The following CNR1 variants were observed in gnomAD, a reference collection of about 807,000 sequenced individuals.
CNR1 encodes cannabinoid receptor 1 (brain).
CNR1 carries 10 observed loss-of-function variants against 23.0 expected under a neutral mutation model. The ratio of observed to expected loss-of-function variants is 0.43; its 90% CI spans 0.27 to 0.74. The LOEUF (loss-of-function observed/expected upper bound fraction) is 0.74. CNR1 is among the 30% of genes least tolerant of loss of function. The pLI is 0.19. For missense variants in CNR1, 422 were observed against 618.8 expected (o/e 0.68, Z 3.37); for synonymous variants, 271 against 255.2 (o/e 1.06, Z -0.59).
intron 1 of CNR1, among the ~76,000 whole-genome samples, chr6:88,159,789 A>C (rs1205585011): frequency 6.6e-6 from 1 of 152,250 alleles, no homozygotes; most frequent in African/African-American, 2.4e-5. Flanking sequence ...AACATTTAGC[A>C]AATTCTGGTA....
At chr6:88,157,075 C>A (rs1473976757) in intron 1 of CNR1, among the ~76,000 whole-genome samples, 1 of 152,182 alleles carries the variant, frequency 6.6e-6, no homozygotes, top group East Asian at 1.9e-4. Flanking sequence ...CTGCAAAGTT[C>A]AGCCACTTAG....
chr6:88,159,101 C>T (rs907132436), intron 1 of CNR1, among the ~76,000 whole-genome samples: 1 of 152,142 alleles, frequency 6.6e-6, no homozygotes, highest in Non-Finnish European at 1.5e-5. Context: ...TTTACAAAGG[C>T]TATGCAAAGC....
chr6:88,160,465 C>G (rs371991991), intron 1 of CNR1, among the ~76,000 whole-genome samples: 22 of 141,930 alleles, frequency 1.6e-4, no homozygotes, highest in African/African-American at 5.3e-4. Context: ...GGCAGAGTCT[C>G]ACTCTGTCAC....
At chr6:88,160,441 T>C (rs1778038649) in intron 1 of CNR1, among the ~76,000 whole-genome samples, 1 of 149,376 alleles carries the variant, frequency 6.7e-6, no homozygotes, top group Admixed American at 6.6e-5. Context: ...TTTTCTTTTT[T>C]TTTTTTTTTT....
chr6:88,148,174 A>C (rs1227881163), intron 1 of CNR1, among the ~76,000 whole-genome samples: 2 of 151,112 alleles, frequency 1.3e-5, no homozygotes, highest in African/African-American at 4.9e-5. Context: ...TGCCCCTTAC[A>C]CTCCCGCCTG....
chr6:88,143,874 C>T lies in CNR1; in HGVS notation c.1401G>A (p.Thr467=), dbSNP rs199942265. 2.4e-5 allele frequency: 39 copies of T among 1,613,568 alleles called. No individual in the cohort carries two copies. The highest frequency in any genetic ancestry group is 1.1e-4 in the South Asian group (10 of 91,058). Residue 467 remains threonine, a synonymous_variant, in exon 2 of 2, where the codon ACG becomes ACA. Transcript: ENST00000369501. The part of the protein sequence containing the change: ...AKVTMSVSTD[T]SAEAL ...ATCAGGCTCACAGAGCCTCGGCAGA[C>T]GTGTCTGTGGACACAGACATGGTTA...
intron 1 of CNR1, among the ~76,000 whole-genome samples, chr6:88,163,624 G>A (rs998572081): frequency 6.6e-6 from 1 of 152,228 alleles, no homozygotes; most frequent in African/African-American, 2.4e-5. Flanking sequence ...AGCTGACACT[G>A]CATACTAAAC....
chr6:88,147,198 G>A (rs755800928), intron 1 of CNR1, among the ~76,000 whole-genome samples: 1 of 152,206 alleles, frequency 6.6e-6, no homozygotes, highest in Non-Finnish European at 1.5e-5. Context: ...TGTAATCCCT[G>A]CTACTCAGGA....
At chr6:88,167,115 C>A (rs2127776612), upstream of CNR1, among the ~76,000 whole-genome samples, 1 of 152,164 alleles carries the variant, frequency 6.6e-6, no homozygotes, top group East Asian at 1.9e-4. Flanking sequence ...CAGTTGGGCT[C>A]CGTAGGCGGC....
intron 1 of CNR1, among the ~76,000 whole-genome samples, chr6:88,163,977 T>C (rs953269681): frequency 6.6e-6 from 1 of 152,226 alleles, no homozygotes; most frequent in Non-Finnish European, 1.5e-5. Flanking sequence ...ATGTGAGACC[T>C]GGTGTTCATC....
intron 1 of CNR1, among the ~76,000 whole-genome samples, chr6:88,163,661 C>A (rs1228209040): frequency 6.6e-6 from 1 of 152,218 alleles, no homozygotes; most frequent in Non-Finnish European, 1.5e-5. Flanking sequence ...AATGGGGCTG[C>A]TTCCTTCTTG....
rs1453617054 is a variant in CNR1, at chr6:88,143,310, A to G, written c.*546T>C. The G allele has an allele frequency of 6.5e-6, 1 of 153,128 alleles. No homozygotes were observed. The highest frequency in any genetic ancestry group is 1.5e-5 in the Non-Finnish European group (1 of 68,332). The allele number at this position is 153,128 out of a possible 1,614,324, so 9.5% of individuals were successfully genotyped here. On this transcript the variant is annotated 3_prime_UTR_variant, in exon 2 of 2. Transcript: ENST00000369501. ...AATAATATAGAAAAAAAGTGCACAC[A>G]TTGACACGTATCCACTGCTTGTCCA...
Position 88,144,435 on chromosome 6 carries a change from G to A in CNR1, c.840C>T (p.Ile280=), listed in dbSNP as rs143691394. The change falls in exon 2 of 2, where the codon ATC becomes ATT. Residue 280 remains isoleucine (I), a synonymous_variant. Transcript: ENST00000369501. The surrounding 1 kb of genome is among the most constrained non-coding windows in gnomAD (Gnocchi z 7.8). Reference sequence around the variant, plus strand: ...ACAGAAGCAGTACGCTGGTGACCCCGATCCAGAACATCAGGTAGGTTTCAT... The same window carrying A: ...ACAGAAGCAGTACGCTGGTGACCCCAATCCAGAACATCAGGTAGGTTTCAT... The part of the protein sequence containing the change: ...HIDETYLMFW[I]GVTSVLLLFI... 135 of 1,614,010 alleles carry A rather than the reference G, an allele frequency of 8.4e-5. No homozygotes were observed. The highest frequency in any genetic ancestry group is 1.1e-4 in the Non-Finnish European group (124 of 1,180,044).
chr6:88,146,657 G>A (rs998700707), intron 1 of CNR1, among the ~76,000 whole-genome samples: 2 of 152,182 alleles, frequency 1.3e-5, no homozygotes, highest in African/African-American at 4.8e-5. Context: ...TGTTTAAAAT[G>A]TGGGCTATTC....
intron 1 of CNR1, among the ~76,000 whole-genome samples, chr6:88,159,511 G>A (rs139449457): frequency 3.9e-5 from 6 of 152,148 alleles, no homozygotes; most frequent in Non-Finnish European, 5.9e-5. Context: ...TAATTATTTC[G>A]TCAATAAAAA....
intron 1 of CNR1, among the ~76,000 whole-genome samples, chr6:88,160,435 CT>C (rs1220920560): frequency 0.028 from 3,747 of 135,076 alleles, 63 homozygotes; most frequent in African/African-American, 0.068. Context: ...TTTTTCTTTT[CT>C]TTTTTTTTTT....
In CNR1 at chr6:88,146,661, G is replaced by A. The variant is rs561923323; in HGVS notation, c.-63-1324C>T. On this transcript the variant is annotated intron_variant, in intron 1 of 1. Coordinates refer to ENST00000369501, the MANE Select transcript of CNR1 (RefSeq NM_016083.6). ...TTATAAATTTTTGTTTAAAATGTGG[G>A]CTATTCATTTCTTTAGTTTATTTTT... Among the ~76,000 whole-genome samples the A allele has an allele frequency of 1.4e-4, 22 of 152,288 alleles. 2 individuals carry two copies. In the South Asian group the frequency reaches 4.6e-3, roughly 32 times the overall value.
chr6:88,146,538 A>G (rs1044709896), intron 1 of CNR1, among the ~76,000 whole-genome samples: 14 of 152,352 alleles, frequency 9.2e-5, no homozygotes, highest in African/African-American at 3.4e-4. Flanking sequence ...CCATGTGAAC[A>G]GCTAAGAGGA....
rs1245800805 is a variant in CNR1 at position 88,166,223 on chromosome 6, T to A, written c.-484A>T. On this transcript the variant is annotated 5_prime_UTR_variant, in exon 1 of 2. Coordinates refer to ENST00000369501, the MANE Select transcript of CNR1 (RefSeq NM_016083.6). ...CGAGCCTCGCCCCTTCCCAGGCTCT[T>A]CACTGGGTCCTCCCGCGAGCCCCGC... 6.6e-6 allele frequency: 1 copy of A among 151,982 alleles called. No individual in the cohort carries two copies. The allele number at this position is 151,982 out of a possible 1,614,324, so 9.4% of individuals were successfully genotyped here.
Sources: allele counts gnomAD v4.1 joint callset (sites outside exome capture counted in the v4.1 genomes callset), GRCh38; gene constraint gnomAD v4.1.1; non-coding constraint Gnocchi (gnomAD v3.1); transcripts MANE v1.5; gene names NCBI Gene and HGNC (gene_info 2026-07-23, HGNC 2026-07-21).